The following PIK3C2A variants were observed in gnomAD, a reference collection of about 807,000 sequenced individuals.
PIK3C2A encodes the protein phosphatidylinositol 4-phosphate 3-kinase C2 domain-containing subunit alpha.
PIK3C2A carries 97 observed loss-of-function variants against 204.5 expected under a neutral mutation model. The ratio of observed to expected loss-of-function variants is 0.47; its 90% CI spans 0.40 to 0.56. The LOEUF is 0.56. PIK3C2A is among the 20% of genes least tolerant of loss of function. PIK3C2A has a pLI of 0.00. For missense variants in PIK3C2A, 1,735 were observed against 1,969.2 expected, an observed-to-expected ratio of 0.88 and a Z score of 2.25; for synonymous variants, 653 against 664.4, an observed-to-expected ratio of 0.98 and a Z score of 0.26.
At chr11:17,165,043 G>A (rs1850901003) in intron 2 of PIK3C2A, among the ~76,000 whole-genome samples, 1 of 152,104 alleles carries the variant, frequency 6.6e-6, no homozygotes, top group Non-Finnish European at 1.5e-5. Context: ...AACTAGGAGT[G>A]ACCAATCTAA....
At chr11:17,185,346 G>A (rs1851717445) in intron 1 of PIK3C2A, among the ~76,000 whole-genome samples, 1 of 152,174 alleles carries the variant, frequency 6.6e-6, no homozygotes, top group South Asian at 2.1e-4. Context: ...CCCTAGGTGT[G>A]TAGTAGATTA....
chr11:17,160,260 T>TA (rs1193603194), intron 2 of PIK3C2A, among the ~76,000 whole-genome samples: 2 of 152,086 alleles, frequency 1.3e-5, no homozygotes, highest in Non-Finnish European at 2.9e-5. Context: ...AAAGCATTAT[T>TA]AAAAACAACC....
chr11:17,129,474 G>T lies in PIK3C2A; in HGVS notation c.2232-7C>A. On this transcript the variant is annotated splice_region_variant and splice_polypyrimidine_tract_variant and intron_variant, in intron 12 of 32. Coordinates refer to ENST00000691414, the MANE Select transcript of PIK3C2A (RefSeq NM_002645.4). ...CTGGATAGGAAAAATGATTCTATGG[G>T]GGGAAAAATGTATTAATAGAACAAA... 1 of 1,563,090 alleles carries T rather than the reference G, an allele frequency of 6.4e-7. No individual in the cohort carries two copies. Among genetic ancestry groups the T allele is most frequent in the Admixed American group, 1.7e-5 (1 of 58,442 alleles).
At position 17,169,657 on chromosome 11, in the gene PIK3C2A, C is replaced by T. The variant is rs779719401; in HGVS notation, c.85G>A (p.Glu29Lys). 6.2e-7 allele frequency: 1 copy of T among 1,613,198 alleles called. No individual in the cohort carries two copies. The highest frequency in any genetic ancestry group is 8.5e-7 in the Non-Finnish European group (1 of 1,180,006). ...TCTGCTTCCATCTGTAATGCTTCTT[C>T]TTTGTCCACATCTTTTGCTCTTGTT... ...EPTRAKDVDK[E>K]EALQMEAEAL... is the part of the protein sequence containing the mutation. The change falls in exon 2 of 33, where the codon GAA becomes AAA. Residue 29 changes from glutamate (E) to lysine (K), a missense_variant. By Grantham distance (56) the Glu-to-Lys change is moderately conservative. This residue lies in a region of PIK3C2A where 536 missense variants were observed against 546.7 expected (regional missense o/e 0.98). Transcript: ENST00000691414.
At chr11:17,112,278 C>A (rs1849027592) in intron 21 of PIK3C2A, among the ~76,000 whole-genome samples, 1 of 151,950 alleles carries the variant, frequency 6.6e-6, no homozygotes, top group Non-Finnish European at 1.5e-5. Flanking sequence ...ATGGCGAAAC[C>A]CCGTCTCTAC....
At chr11:17,102,598 G>C in intron 24 of PIK3C2A, 64 bp downstream of exon 24, 1 of 1,360,068 alleles carries the variant, frequency 7.4e-7, no homozygotes, top group South Asian at 1.4e-5. Flanking sequence ...CAAAGCTTGA[G>C]ACAAACTTTA....
At position 17,111,904 on chromosome 11, in the gene PIK3C2A, C is replaced by CA. The variant is rs755288547; in HGVS notation, c.3414+669dup. On this transcript the variant is annotated intron_variant, in intron 21 of 32. Coordinates refer to ENST00000691414, the MANE Select transcript of PIK3C2A (RefSeq NM_002645.4). Reference sequence around the variant, plus strand: ...AAACAAAAAAAAAAAAAAAAAAATTCAAAAAAAAAAAAAACTTAACACATA... The same window carrying CA: ...AAACAAAAAAAAAAAAAAAAAAATTCAAAAAAAAAAAAAAACTTAACACATA... Among the ~76,000 whole-genome samples, 320 of 100,246 alleles carry CA rather than the reference C, an allele frequency of 3.2e-3. 1 individual carries two copies. Among genetic ancestry groups the CA allele is most frequent in the East Asian group, 5.1e-3 (17 of 3,334 alleles). The allele number at this position is 100,246 out of a possible 152,430, so 65.8% of individuals were successfully genotyped here.
chr11:17,103,601 CTGTGTATG>C (rs944533637), intron 23 of PIK3C2A, among the ~76,000 whole-genome samples: 1 of 152,056 alleles, frequency 6.6e-6, no homozygotes, highest in African/African-American at 2.4e-5. Context: ...AGGCACTTCT[CTGTGTATG>C]TGTGTATATG....
intron 1 of PIK3C2A, among the ~76,000 whole-genome samples, chr11:17,183,512 C>T (rs1304989308): frequency 6.6e-6 from 1 of 151,908 alleles, no homozygotes; most frequent in Non-Finnish European, 1.5e-5. Flanking sequence ...CCCGTCTCTA[C>T]TAAAAATACA....
intron 8 of PIK3C2A, among the ~76,000 whole-genome samples, chr11:17,139,799 A>T (rs1849999513): frequency 6.6e-6 from 1 of 152,098 alleles, no homozygotes; most frequent in African/African-American, 2.4e-5. Context: ...TCCAGTCCTC[A>T]CACTCTGATT....
rs533021996 is a variant in PIK3C2A, at chr11:17,088,826, T to C, written c.*912A>G. 15 of 152,294 alleles carry C rather than the reference T, an allele frequency of 9.8e-5. No individual in the cohort carries two copies. Among genetic ancestry groups the C allele is most frequent in the Admixed American group, 8.5e-4 (13 of 15,294 alleles). 9.4% of individuals were successfully genotyped at this position (152,294 alleles called of 1,614,324 possible). ...ACTTATTTACTGAGGGAGTGGAGTA[T>C]AGATGTAGGGAGGTGAAATTACCAT... On this transcript the variant is annotated 3_prime_UTR_variant, in exon 33 of 33. Coordinates refer to ENST00000691414, the MANE Select transcript of PIK3C2A (RefSeq NM_002645.4).
At chr11:17,105,507 G>A (rs923286133) in intron 22 of PIK3C2A, among the ~76,000 whole-genome samples, 5 of 152,052 alleles carry the variant, frequency 3.3e-5, no homozygotes, top group Admixed American at 2.0e-4. Context: ...TTTAAGCCCC[G>A]CATACATTAG....
At position 17,169,453 on chromosome 11, in the gene PIK3C2A, G is replaced by C. The variant is rs1202372347; in HGVS notation, c.289C>G (p.Gln97Glu). Residue 97 changes from glutamine (Q) to glutamate (E), a missense_variant, in exon 2 of 33, where the codon CAA becomes GAA. Coordinates refer to ENST00000691414, the MANE Select transcript of PIK3C2A (RefSeq NM_002645.4). ...ALDIDVEKLT[Q>E]AELEKLLLDD... is the part of the protein sequence containing the mutation. ...AGCAATAGTTTCTCAAGTTCAGCTT[G>C]GGTGAGCTTTTCTACATCAATATCT... is the stretch of plus-strand genomic sequence containing the variant. 2 of 1,613,984 alleles carry C rather than the reference G, an allele frequency of 1.2e-6. No homozygotes were observed. The highest frequency in any genetic ancestry group is 2.7e-5 in the African/African-American group (2 of 74,924).
At chr11:17,189,505 C>T (rs1026198344) in intron 1 of PIK3C2A, among the ~76,000 whole-genome samples, 2 of 146,028 alleles carry the variant, frequency 1.4e-5, no homozygotes, top group Non-Finnish European at 2.9e-5. Flanking sequence ...ATCCCAGATA[C>T]TCAGGAGACT....
intron 1 of PIK3C2A, among the ~76,000 whole-genome samples, chr11:17,176,354 G>A (rs963354834): frequency 1.3e-5 from 2 of 151,962 alleles, no homozygotes; most frequent in Non-Finnish European, 1.5e-5. Context: ...TGGGCTGGGC[G>A]AGGTGATTCT....
chr11:17,207,511 G>T (rs941234656), intron 1 of PIK3C2A, among the ~76,000 whole-genome samples: 1 of 151,454 alleles, frequency 6.6e-6, no homozygotes, highest in African/African-American at 2.4e-5. Flanking sequence ...GGCGGGGGAG[G>T]GGGGCCGGCG....
intron 1 of PIK3C2A, among the ~76,000 whole-genome samples, chr11:17,190,574 C>CAAAA (rs35193747): frequency 8.8e-6 from 1 of 114,038 alleles, no homozygotes; most frequent in African/African-American, 3.3e-5. Flanking sequence ...GACTCTGTCT[C>CAAAA]AAAAAAAAAA....
At chr11:17,109,250 C>G (rs1050324563) in intron 22 of PIK3C2A, among the ~76,000 whole-genome samples, 2 of 152,180 alleles carry the variant, frequency 1.3e-5, no homozygotes, top group Non-Finnish European at 2.9e-5. Flanking sequence ...GCCTTTACAA[C>G]TTTTAGAGCT....
rs149091307 is a variant in PIK3C2A at position 17,123,192 on chromosome 11, C to G, written c.2400-379G>C. On this transcript the variant is annotated intron_variant, in intron 13 of 32. Coordinates refer to ENST00000691414, the MANE Select transcript of PIK3C2A (RefSeq NM_002645.4). ...GGTGGTGGTTTGGATTACAGAACTG[C>G]TTCCTGACTTTAATCATTAGATCAA... Among the ~76,000 whole-genome samples, 5 of 152,250 alleles carry G rather than the reference C, an allele frequency of 3.3e-5. No individual in the cohort carries two copies. The East Asian group carries it at 9.7e-4, about 29-fold the overall frequency.
Sources: gnomAD v4.1 joint callset for allele counts (sites outside exome capture counted in the v4.1 genomes callset) on GRCh38, gnomAD v4.1.1 for gene constraint, gnomAD v4.1.1 regional missense constraint, MANE v1.5 for transcripts, NCBI Gene and HGNC (gene_info 2026-07-23, HGNC 2026-07-21) for gene names.